The following AP3B1 variants were observed in gnomAD, a reference collection of about 807,000 sequenced individuals.
AP3B1 encodes the protein adaptor related protein complex 3 subunit beta 1.
Under a neutral mutation model 132.5 loss-of-function variants are expected in AP3B1, and 61 were observed. The observed-to-expected ratio is 0.46, with a 90% confidence interval of 0.37 to 0.57. The LOEUF (loss-of-function observed/expected upper bound fraction) is 0.57, where lower values mean the gene tolerates loss of function less well. Ranked by LOEUF, AP3B1 falls within the 20% of genes least tolerant of loss-of-function variation. The pLI is 0.00. For synonymous variants in AP3B1, 388 were observed against 438.3 expected, an observed-to-expected ratio of 0.89 and a Z score of 1.43; for missense variants, 1,120 against 1,289.4, an observed-to-expected ratio of 0.87 and a Z score of 2.01.
At chr5:78,293,207 CA>C (rs1749609703) in intron 1 of AP3B1, among the ~76,000 whole-genome samples, 1 of 152,150 alleles carries the variant, frequency 6.6e-6, no homozygotes, top group East Asian at 1.9e-4. Flanking sequence ...TAAGAGAAAA[CA>C]TCGTAGATGT....
At chr5:78,128,945 T>C (rs1055843733) in intron 16 of AP3B1, among the ~76,000 whole-genome samples, 176 bp downstream of exon 16, 1 of 152,124 alleles carries the variant, frequency 6.6e-6, no homozygotes, top group Non-Finnish European at 1.5e-5. Context: ...TAAACTTTAA[T>C]ATAAAACTTG....
chr5:78,168,336 A>T (rs1366641901), intron 11 of AP3B1, among the ~76,000 whole-genome samples: 1 of 149,344 alleles, frequency 6.7e-6, no homozygotes, highest in Non-Finnish European at 1.5e-5. Flanking sequence ...CAATCCTCCC[A>T]CCTCAGCCTC....
intron 21 of AP3B1, among the ~76,000 whole-genome samples, chr5:78,097,371 C>G (rs1172969460): frequency 7.7e-6 from 1 of 129,102 alleles, no homozygotes; most frequent in African/African-American, 2.9e-5. Flanking sequence ...CCGCCCTGTC[C>G]GGGAGGGAGG....
At chr5:78,272,898 T>A (rs1254903249) in intron 1 of AP3B1, among the ~76,000 whole-genome samples, 1 of 151,008 alleles carries the variant, frequency 6.6e-6, no homozygotes, top group Non-Finnish European at 1.5e-5. Context: ...TTTAACAGGA[T>A]CATTCTGGCT....
At chr5:78,038,906 T>C (rs1292624893) in intron 23 of AP3B1, 137 bp downstream of exon 23, 4 of 630,720 alleles carry the variant, frequency 6.3e-6, no homozygotes, top group South Asian at 2.1e-5. Flanking sequence ...AAAGCAAATA[T>C]AAACTGAATA....
At chr5:78,098,884 A>G (rs964143412) in intron 21 of AP3B1, among the ~76,000 whole-genome samples, 1 of 152,150 alleles carries the variant, frequency 6.6e-6, no homozygotes, top group Non-Finnish European at 1.5e-5. Flanking sequence ...AATTTCAGAT[A>G]GTGAAAAATG....
At chr5:78,102,454 C>T (rs2112236215) in intron 20 of AP3B1, among the ~76,000 whole-genome samples, 1 of 152,010 alleles carries the variant, frequency 6.6e-6, no homozygotes, top group South Asian at 2.1e-4. Flanking sequence ...AATTTTCATT[C>T]CTTATTTAAA....
chr5:78,205,126 T>A (rs371918106), intron 7 of AP3B1, among the ~76,000 whole-genome samples: 1 of 152,068 alleles, frequency 6.6e-6, no homozygotes, highest in South Asian at 2.1e-4. Flanking sequence ...AAACCCAAAA[T>A]GACATAAAAC....
chr5:78,023,637 G>A (rs1580250684), intron 24 of AP3B1, among the ~76,000 whole-genome samples: 1 of 152,174 alleles, frequency 6.6e-6, no homozygotes, highest in African/African-American at 2.4e-5. Context: ...GTGAAGACCT[G>A]TATTTAAGTA....
At chr5:78,085,259 A>G (rs1167114810) in intron 22 of AP3B1, among the ~76,000 whole-genome samples, 1 of 152,182 alleles carries the variant, frequency 6.6e-6, no homozygotes, top group African/African-American at 2.4e-5. Flanking sequence ...AATTTTTGCT[A>G]ATGTTACAGG....
At chr5:78,046,490 C>T (rs939675954) in intron 22 of AP3B1, among the ~76,000 whole-genome samples, 4 of 152,168 alleles carry the variant, frequency 2.6e-5, no homozygotes, top group Non-Finnish European at 5.9e-5. Flanking sequence ...ACAGGTCTCA[C>T]GTCTTCTGAG....
At chr5:78,271,279 G>A (rs758243222) in intron 1 of AP3B1, among the ~76,000 whole-genome samples, 6 of 152,070 alleles carry the variant, frequency 3.9e-5, no homozygotes, top group Non-Finnish European at 8.8e-5. Flanking sequence ...AAATTAGCCT[G>A]GCATGGTGGC....
chr5:78,081,173 T>C, intron 22 of AP3B1, among the ~76,000 whole-genome samples: 1 of 152,144 alleles, frequency 6.6e-6, no homozygotes, highest in East Asian at 1.9e-4. Flanking sequence ...CTTAACCCAC[T>C]GATATTTGGC....
chr5:78,173,465 GGATA>G (rs1304304057), intron 11 of AP3B1, among the ~76,000 whole-genome samples: 1 of 152,080 alleles, frequency 6.6e-6, no homozygotes, highest in African/African-American at 2.4e-5. Flanking sequence ...TATATATTTA[GGATA>G]GTTAGCTCTT....
At chr5:78,294,308 C>T in intron 1 of AP3B1, 144 bp downstream of exon 1, 2 of 1,179,646 alleles carry the variant, frequency 1.7e-6, no homozygotes, top group Non-Finnish European at 2.4e-6. Flanking sequence ...ACCCCACCTA[C>T]CCACCCGCGG....
intron 13 of AP3B1, among the ~76,000 whole-genome samples, chr5:78,161,703 T>A (rs1309249376): frequency 2.6e-5 from 4 of 152,000 alleles, no homozygotes; most frequent in Non-Finnish European, 5.9e-5. Context: ...TATTTGGAGT[T>A]TTAATACTAC....
chr5:78,190,305 C>T (rs925377105), intron 7 of AP3B1, among the ~76,000 whole-genome samples: 3 of 152,008 alleles, frequency 2.0e-5, no homozygotes, highest in East Asian at 3.8e-4. Flanking sequence ...TTCTTAGATC[C>T]GGCTCTCCCA....
intron 22 of AP3B1, among the ~76,000 whole-genome samples, chr5:78,063,186 A>G (rs1749133010): frequency 1.3e-5 from 2 of 152,220 alleles, no homozygotes; most frequent in Admixed American, 1.3e-4. Flanking sequence ...TGTATACATA[A>G]AGCAAATTCT....
chr5:78,162,613 T>C (rs1743431917), intron 13 of AP3B1, among the ~76,000 whole-genome samples: 1 of 152,068 alleles, frequency 6.6e-6, no homozygotes, highest in African/African-American at 2.4e-5. Flanking sequence ...TACCTGCTAG[T>C]TAATGGCCTA....
Sources: gnomAD v4.1 joint callset for allele counts (sites outside exome capture counted in the v4.1 genomes callset) on GRCh38, gnomAD v4.1.1 for gene constraint, MANE v1.5 for transcripts, NCBI Gene and HGNC (gene_info 2026-07-23, HGNC 2026-07-21) for gene names.